Variants in BARX2 observed in about 807,000 individuals in gnomAD.
BARX2 encodes the protein homeobox protein BarH-like 2.
Under a neutral mutation model 25.5 loss-of-function variants are expected in BARX2, and 11 were observed. The ratio of observed to expected loss-of-function variants is 0.43; its 90% confidence interval spans 0.27 to 0.71. BARX2 has a LOEUF of 0.71. Ranked by LOEUF, BARX2 falls within the 30% of genes least tolerant of loss-of-function variation. BARX2 has a pLI of 0.19. For synonymous variants in BARX2, 137 were observed against 149.5 expected (o/e 0.92, Z 0.61); for missense variants, 360 against 359.9 (o/e 1.00, Z 0.00).
intron 1 of BARX2, among the ~76,000 whole-genome samples, chr11:129,408,058 A>G (rs914231400): frequency 4.7e-5 from 7 of 149,910 alleles, no homozygotes; most frequent in African/African-American, 1.7e-4. Flanking sequence ...GTTGGAGCAC[A>G]GATGAAAGCT....
intron 1 of BARX2, among the ~76,000 whole-genome samples, chr11:129,423,841 G>C (rs796671229): frequency 6.7e-6 from 1 of 150,228 alleles, no homozygotes; most frequent in South Asian, 2.1e-4. Flanking sequence ...TTCATCCTCT[G>C]TTTCTTTCTC....
intron 1 of BARX2, among the ~76,000 whole-genome samples, chr11:129,427,469 C>T (rs1862076887): frequency 6.6e-6 from 1 of 152,106 alleles, no homozygotes; most frequent in South Asian, 2.1e-4. Flanking sequence ...TACTTCTGGA[C>T]CAGTGTCTTT....
At chr11:129,416,964 C>T (rs561872925) in intron 1 of BARX2, among the ~76,000 whole-genome samples, 1 of 151,454 alleles carries the variant, frequency 6.6e-6, no homozygotes, top group Admixed American at 6.6e-5. Flanking sequence ...TACAGTGGCG[C>T]AATCTCAGCT....
chr11:129,420,042 A>C (rs1398264839), intron 1 of BARX2, among the ~76,000 whole-genome samples: 1 of 151,978 alleles, frequency 6.6e-6, no homozygotes, highest in Admixed American at 6.6e-5. Flanking sequence ...CGGCCTCCCA[A>C]AGTGCTGGGA....
intron 1 of BARX2, among the ~76,000 whole-genome samples, chr11:129,425,377 A>G (rs1024561274): frequency 6.6e-6 from 1 of 152,212 alleles, no homozygotes; most frequent in Non-Finnish European, 1.5e-5. Flanking sequence ...ACTAAACAGC[A>G]GCTGTTCCTG....
chr11:129,439,798 G>A (rs1490478143), intron 2 of BARX2, among the ~76,000 whole-genome samples: 1 of 152,218 alleles, frequency 6.6e-6, no homozygotes, highest in Non-Finnish European at 1.5e-5. Flanking sequence ...AGAGCCTCAT[G>A]AACTTGTGCA....
intron 2 of BARX2, among the ~76,000 whole-genome samples, chr11:129,441,615 AT>A (rs761312501): frequency 1.4e-5 from 2 of 145,856 alleles, no homozygotes; most frequent in Non-Finnish European, 3.0e-5. Context: ...CACCCAGTTA[AT>A]TTTTGTATTT....
chr11:129,444,227 A>T (rs567514285), intron 3 of BARX2, among the ~76,000 whole-genome samples: 6 of 132,852 alleles, frequency 4.5e-5, no homozygotes, highest in Admixed American at 3.5e-4. Context: ...CAATGAGGAG[A>T]AAAAAAAAAA....
chr11:129,392,091 T>C (rs1226554790), intron 1 of BARX2, among the ~76,000 whole-genome samples: 1 of 152,204 alleles, frequency 6.6e-6, no homozygotes, highest in African/African-American at 2.4e-5. Flanking sequence ...CAGGAGACTA[T>C]GTGCCTTTGG....
At chr11:129,421,718 C>T (rs1283537583) in intron 1 of BARX2, among the ~76,000 whole-genome samples, 1 of 152,186 alleles carries the variant, frequency 6.6e-6, no homozygotes, top group African/African-American at 2.4e-5. Flanking sequence ...AATGACTTGC[C>T]TTCATGTTCC....
chr11:129,429,657 G>A (rs1267862810), intron 1 of BARX2, among the ~76,000 whole-genome samples: 1 of 152,166 alleles, frequency 6.6e-6, no homozygotes, highest in Non-Finnish European at 1.5e-5. Flanking sequence ...AATCATTAAA[G>A]TGGAGTGATC....
chr11:129,435,330 G>A (rs1279714297), intron 1 of BARX2, among the ~76,000 whole-genome samples: 1 of 152,160 alleles, frequency 6.6e-6, no homozygotes, highest in Non-Finnish European at 1.5e-5. Flanking sequence ...GTTTCTGCTG[G>A]GCCTAGCTAG....
At chr11:129,415,386 A>G (rs1861933876) in intron 1 of BARX2, among the ~76,000 whole-genome samples, 1 of 152,146 alleles carries the variant, frequency 6.6e-6, no homozygotes. Flanking sequence ...TTATTTTTTC[A>G]GCAAAGCCTG....
At chr11:129,446,670 C>T (rs569498174) in intron 3 of BARX2, among the ~76,000 whole-genome samples, 36 of 152,280 alleles carry the variant, frequency 2.4e-4, no homozygotes, top group African/African-American at 5.5e-4. Context: ...TCAGGGACTC[C>T]GCACAGCCCT....
At chr11:129,423,117 A>ATTTT (rs397729545) in intron 1 of BARX2, among the ~76,000 whole-genome samples, 1 of 145,380 alleles carries the variant, frequency 6.9e-6, no homozygotes. Context: ...ATCAGATTGG[A>ATTTT]TTTTTTTTTT....
intron 1 of BARX2, among the ~76,000 whole-genome samples, chr11:129,433,457 T>A (rs530057491): frequency 3.7e-4 from 56 of 152,318 alleles, no homozygotes; most frequent in African/African-American, 1.3e-3. Flanking sequence ...ATGGCTTTTT[T>A]AAAAATCACA....
chr11:129,424,512 C>T (rs951387300), intron 1 of BARX2, among the ~76,000 whole-genome samples: 10 of 152,316 alleles, frequency 6.6e-5, no homozygotes, highest in African/African-American at 1.9e-4. Flanking sequence ...TCCCTTCCTT[C>T]CCCTCTTGGA....
intron 1 of BARX2, among the ~76,000 whole-genome samples, chr11:129,384,231 C>CT (rs528388676): frequency 0.095 from 13,979 of 146,638 alleles, 778 homozygotes; most frequent in South Asian, 0.23. Flanking sequence ...CATTTCTGAT[C>CT]TTTTTTTTTT....
At chr11:129,446,066 A>G (rs1259940434) in intron 3 of BARX2, among the ~76,000 whole-genome samples, 1 of 152,194 alleles carries the variant, frequency 6.6e-6, no homozygotes, top group Non-Finnish European at 1.5e-5. Flanking sequence ...CTGACCCGTC[A>G]GCATTGGTAA....
Sources: allele counts gnomAD v4.1 joint callset (sites outside exome capture counted in the v4.1 genomes callset), GRCh38; gene constraint gnomAD v4.1.1; transcripts MANE v1.5; gene names NCBI Gene and HGNC (gene_info 2026-07-23, HGNC 2026-07-21).